B4GALNT4: variants seen among roughly 807,000 people sequenced by gnomAD.
B4GALNT4 encodes beta-1,4-N-acetyl-galactosaminyltransferase 4, also known as N-acetyl-beta-glucosaminyl-glycoprotein 4-beta-N-acetylgalactosaminyltransferase 1.
B4GALNT4 carries 77 observed loss-of-function variants against 110.0 expected under a neutral mutation model. That is an observed-to-expected ratio of 0.70 (90% CI 0.58 to 0.85). The LOEUF is 0.85. Ranked by LOEUF, B4GALNT4 falls within the 40% of genes least tolerant of loss-of-function variation. B4GALNT4 has a pLI of 0.00. For synonymous variants in B4GALNT4, 785 were observed against 655.5 expected, an observed-to-expected ratio of 1.20 and a Z score of -3.02; for missense variants, 1,575 against 1,506.0, an observed-to-expected ratio of 1.05 and a Z score of -0.76.
At position 379,595 on chromosome 11, in the gene B4GALNT4, C is replaced by T. The variant is rs954399055; in HGVS notation, c.2382C>T (p.Pro794=). 2 of 1,573,478 alleles carry T rather than the reference C, an allele frequency of 1.3e-6. No individual in the cohort carries two copies. Among genetic ancestry groups the T allele is most frequent in the Non-Finnish European group, 1.7e-6 (2 of 1,161,764 alleles). The stretch of plus-strand genomic sequence containing the variant: ...TAGGGGATGCAGACGGAGAAAGTCC[C>T]GAACCCGCTCCCGCCGCCTCCGTGC... ...ARVGDADGES[P]EPAPAASVRP... Residue 794 remains proline (P), a synonymous_variant, in exon 15 of 20, where the codon CCC becomes CCT. Coordinates refer to ENST00000329962, the MANE Select transcript of B4GALNT4 (RefSeq NM_178537.5).
chr11:375,369 A>G (rs1846721603), intron 8 of B4GALNT4, 92 bp from the exon 9 acceptor site: 4 of 1,320,430 alleles, frequency 3.0e-6, no homozygotes, highest in African/African-American at 1.4e-5. Flanking sequence ...GATTGGTCCT[A>G]TTAGTCCCCC....
In B4GALNT4 at chr11:379,972, C is replaced by T. The variant is rs760412442; in HGVS notation, c.2595C>T (p.Ser865=). The change falls in exon 16 of 20, where the codon AGC becomes AGT. Residue 865 remains serine (S), a synonymous_variant. Coordinates refer to ENST00000329962, the MANE Select transcript of B4GALNT4 (RefSeq NM_178537.5). ...GCGTCGTCCTGGTGGATTTCGAGAGCGAGGATATGGACGTGGAGCGGGCCC... is the reference window on the plus strand; with the variant it reads ...GCGTCGTCCTGGTGGATTTCGAGAGTGAGGATATGGACGTGGAGCGGGCCC... ...RFSVVLVDFE[S]EDMDVERALR... The T allele has an allele frequency of 6.2e-7, 1 of 1,612,820 alleles. No individual in the cohort carries two copies. The highest frequency in any genetic ancestry group is 1.3e-5 in the African/African-American group (1 of 74,924).
rs1846760342 is a variant in B4GALNT4 at position 376,614 on chromosome 11, C to T, written c.1491C>T (p.Ala497=). 1 of 1,397,520 alleles carries T rather than the reference C, an allele frequency of 7.2e-7. No homozygotes were observed. The highest frequency in any genetic ancestry group is 3.3e-5 in the East Asian group (1 of 30,226). The allele number at this position is 1,397,520 out of a possible 1,614,324, so 86.6% of individuals were successfully genotyped here. Residue 497 remains alanine, a synonymous_variant, in exon 14 of 20, where the codon GCC becomes GCT. Transcript: ENST00000329962. ...TPRHSRALSW[A]ARAARPLPLF... ...GGCACTCCCGGGCCCTGAGCTGGGCCGCCAGGGCCGCCCGCCCTTTGCCGC... is the reference window on the plus strand; with the variant it reads ...GGCACTCCCGGGCCCTGAGCTGGGCTGCCAGGGCCGCCCGCCCTTTGCCGC...
chr11:380,480 G>A, intron 18 of B4GALNT4, 35 bp downstream of exon 18: 1 of 1,555,288 alleles, frequency 6.4e-7, no homozygotes, highest in Non-Finnish European at 8.7e-7. Flanking sequence ...GTGATACCAG[G>A]GTTCCCACCA....
Position 369,831 on chromosome 11 carries a change from C to G in B4GALNT4, c.28C>G (p.Arg10Gly). MPRLPVKKI[R>G]KQMKLLLLLL... ...GCCGCGGCTCCCGGTGAAGAAGATC[C>G]GTAAGCAGATGAAGCTGCTGCTGCT... The change falls in exon 1 of 20, where the codon CGT becomes GGT. Residue 10 changes from arginine (R) to glycine (G), a missense_variant. Physicochemically the swap from Arg to Gly is moderately radical, Grantham distance 125. Transcript: ENST00000329962. The G allele has an allele frequency of 1.0e-6, 1 of 987,654 alleles. No individual in the cohort carries two copies. Among genetic ancestry groups the G allele is most frequent in the East Asian group, 1.1e-4 (1 of 9,478 alleles). 61.2% of individuals were successfully genotyped at this position (987,654 alleles called of 1,614,324 possible).
intron 11 of B4GALNT4, 28 bp downstream of exon 11, chr11:375,984 C>G (rs201246400): frequency 1.2e-6 from 2 of 1,606,312 alleles, no homozygotes; most frequent in East Asian, 2.2e-5. Context: ...CCCCGTCTCC[C>G]GTCCGGGACT....
chr11:371,046 C>G (rs750052237), intron 1 of B4GALNT4, among the ~76,000 whole-genome samples: 2 of 152,148 alleles, frequency 1.3e-5, no homozygotes. Context: ...TGACACAGAA[C>G]AAAACCAGCC....
rs1019205467 is a variant in B4GALNT4 at position 381,867 on chromosome 11, G to A, written c.*75G>A. On this transcript the variant is annotated 3_prime_UTR_variant, in exon 20 of 20. Transcript: ENST00000329962. ...GGGGCTGGGCTTTGAGCTCGGTCCC[G>A]AGAGACCCGGCAGGGCTGGTCAGAG... 71 of 1,445,650 alleles carry A rather than the reference G, an allele frequency of 4.9e-5. No individual in the cohort carries two copies. Among genetic ancestry groups the A allele is most frequent in the Admixed American group, 4.5e-4 (15 of 33,682 alleles). 89.6% of individuals were successfully genotyped at this position (1,445,650 alleles called of 1,614,324 possible).
rs1168868343 is a variant in B4GALNT4 at position 379,954 on chromosome 11, C to T, written c.2577C>T (p.Val859=). ...CCGGGGACTCGCGTTTCAGCGTCGT[C>T]CTGGTGGATTTCGAGAGCGAGGATA... ...ARTGDSRFSV[V]LVDFESEDMD... Residue 859 remains valine (V), a synonymous_variant, in exon 16 of 20, where the codon GTC becomes GTT. Transcript: ENST00000329962. 7 of 1,612,662 alleles carry T rather than the reference C, an allele frequency of 4.3e-6. No individual in the cohort carries two copies. Among genetic ancestry groups the T allele is most frequent in the Non-Finnish European group, 4.2e-6 (5 of 1,179,868 alleles).
At chr11:381,350 G>T (rs74464122) in intron 19 of B4GALNT4, among the ~76,000 whole-genome samples, 4,626 of 120,068 alleles carry the variant, frequency 0.039, 55 homozygotes, top group Admixed American at 0.063. Flanking sequence ...CGGCCCCGGG[G>T]TCCTGACCAC....
rs1266336158 is a variant in B4GALNT4, at chr11:370,012, G to GGGCGCGGGCGGCGCGGGC, written c.151+75_151+76insCGGCGCGGGCGGCGCGGG. On this transcript the variant is annotated intron_variant, in intron 1 of 19. Coordinates refer to ENST00000329962, the MANE Select transcript of B4GALNT4 (RefSeq NM_178537.5). ...GCGGGGGCGGCGCGGGGGGCGCGGG[G>GGGCGCGGGCGGCGCGGGC]GGCGCGGGCGGCGCGGGGGGCGCGG... 4.4e-5 allele frequency: 6 copies of GGGCGCGGGCGGCGCGGGC among 135,026 alleles called. No homozygotes were observed. In the Admixed American group the frequency reaches 5.7e-4, roughly 13 times the overall value. 8.4% of individuals were successfully genotyped at this position (135,026 alleles called of 1,614,324 possible).
Position 375,781 on chromosome 11 carries a change from G to C in B4GALNT4, c.985+8G>C. On this transcript the variant is annotated splice_region_variant and intron_variant, in intron 10 of 19. Coordinates refer to ENST00000329962, the MANE Select transcript of B4GALNT4 (RefSeq NM_178537.5). ...GGGATACCTTTTTCCTCAGTGAGAG[G>C]GGGCCCGCGCGGGGGCGAGGGCGGG... 1 of 1,600,432 alleles carries C rather than the reference G, an allele frequency of 6.2e-7. No homozygotes were observed. Among genetic ancestry groups the C allele is most frequent in the Non-Finnish European group, 8.5e-7 (1 of 1,176,776 alleles).
In B4GALNT4 at chr11:376,329, C is replaced by T. The variant is rs1392324971; in HGVS notation, c.1275C>T (p.Ala425=). 1.2e-6 allele frequency: 2 copies of T among 1,609,130 alleles called. No individual in the cohort carries two copies. The highest frequency in any genetic ancestry group is 1.7e-6 in the Non-Finnish European group (2 of 1,178,002). The change falls in exon 13 of 20, where the codon GCC becomes GCT. Residue 425 remains alanine, a synonymous_variant. Transcript: ENST00000329962. ...AAGAAGACGAGGTGCAGCGCCGAGCCTTCCTCTTCCTCAACCCGGACGGTG... is the reference window on the plus strand; with the variant it reads ...AAGAAGACGAGGTGCAGCGCCGAGCTTTCCTCTTCCTCAACCCGGACGGTG... ...EDEEDEVQRR[A]FLFLNPDDFL... is the part of the protein sequence containing the mutation.
At position 373,925 on chromosome 11, in the gene B4GALNT4, A is replaced by C. The variant is rs375195850; in HGVS notation, c.783+97A>C. The C allele has an allele frequency of 1.5e-4, 191 of 1,272,188 alleles. No homozygotes were observed. In the African/African-American group the frequency reaches 2.2e-3, roughly 15 times the overall value. The allele number at this position is 1,272,188 out of a possible 1,614,324, so 78.8% of individuals were successfully genotyped here. A position where few individuals can be genotyped will look rare whatever the true frequency, so the allele number is the denominator to read the frequency against. On this transcript the variant is annotated intron_variant, in intron 8 of 19. Coordinates refer to ENST00000329962, the MANE Select transcript of B4GALNT4 (RefSeq NM_178537.5). ...GGGGTCCCCGTCCCAAAGTTGACAA[A>C]GCAGATGGTCAGGGCCATGGGCCTG...
intron 2 of B4GALNT4, 85 bp downstream of exon 2, chr11:372,297 A>G (rs1228378510): frequency 7.9e-7 from 1 of 1,260,978 alleles, no homozygotes; most frequent in Admixed American, 2.0e-5. Context: ...GAACCTGTCC[A>G]TTCTGGAGGA....
chr11:375,203 G>A lies in B4GALNT4; in HGVS notation c.784-258G>A, dbSNP rs113344975. ...GAGGAGGAAGGGAGGGAGGAGGAAG[G>A]GAGGGAGGAGGAAAGGTGAGGAAGG... On this transcript the variant is annotated intron_variant, in intron 8 of 19. Transcript: ENST00000329962. 1.4e-3 allele frequency among the ~76,000 whole-genome samples: 208 copies of A among 147,492 alleles called. 3 individuals are homozygous for A. Among genetic ancestry groups the A allele is most frequent in the African/African-American group, 5.1e-3 (200 of 39,078 alleles).
At chr11:373,721 G>A (rs775660449) in intron 7 of B4GALNT4, 29 bp from the exon 8 acceptor site, 1 of 1,609,676 alleles carries the variant, frequency 6.2e-7, no homozygotes, top group Non-Finnish European at 8.5e-7. Context: ...TCCTGTGCAT[G>A]GCACGACCCT....
Position 376,369 on chromosome 11 carries a change from C to T in B4GALNT4, c.1297+18C>T. 1 of 1,605,080 alleles carries T rather than the reference C, an allele frequency of 6.2e-7. No homozygotes were observed. Among genetic ancestry groups the T allele is most frequent in the Non-Finnish European group, 8.5e-7 (1 of 1,177,124 alleles). On this transcript the variant is annotated intron_variant, in intron 13 of 19. Coordinates refer to ENST00000329962, the MANE Select transcript of B4GALNT4 (RefSeq NM_178537.5). ...CCCGGACGGTGAGTGTCCGCAGCGC[C>T]CCTGGCCCGCACCCACCTGCGCAGG... is the stretch of plus-strand genomic sequence containing the variant.
intron 4 of B4GALNT4, 23 bp downstream of exon 4, chr11:372,970 G>A: frequency 6.2e-7 from 1 of 1,612,168 alleles, no homozygotes; most frequent in Non-Finnish European, 8.5e-7. Context: ...GTTGGGGGGT[G>A]CCGGGTGGGC....
Sources: allele counts gnomAD v4.1 joint callset (sites outside exome capture counted in the v4.1 genomes callset), GRCh38; gene constraint gnomAD v4.1.1; transcripts MANE v1.5; gene names NCBI Gene and HGNC (gene_info 2026-07-23, HGNC 2026-07-21).